Variants in DTWD2 observed in about 807,000 individuals in gnomAD.
DTWD2 encodes tRNA-uridine aminocarboxypropyltransferase 2.
Under a neutral mutation model 31.8 loss-of-function variants are expected in DTWD2, and 39 were observed. The ratio of observed to expected loss-of-function variants is 1.22; its 90% CI spans 0.95 to 1.60. The LOEUF (loss-of-function observed/expected upper bound fraction) is 1.60, where lower values mean the gene tolerates loss of function less well. Ranked by LOEUF, DTWD2 falls within the 40% of genes most tolerant of loss-of-function variation. The probability of loss-of-function intolerance (pLI) is 0.00; values close to 1 mark genes in which losing one functional copy is unlikely to be tolerated. For synonymous variants in DTWD2, 180 were observed against 142.8 expected (o/e 1.26, Z -1.86); for missense variants, 515 against 381.5 (o/e 1.35, Z -2.92).
chr5:118,849,603 A>T (rs745736017), intron 4 of DTWD2, among the ~76,000 whole-genome samples: 1 of 152,250 alleles, frequency 6.6e-6, no homozygotes, highest in Non-Finnish European at 1.5e-5. Context: ...ATTATTCACA[A>T]TAGCAAAGAC....
At chr5:118,938,323 C>A (rs1561462901) in intron 3 of DTWD2, among the ~76,000 whole-genome samples, 1 of 152,102 alleles carries the variant, frequency 6.6e-6, no homozygotes, top group African/African-American at 2.4e-5. Flanking sequence ...ACAATTTCTA[C>A]AACTAACAGA....
chr5:118,929,647 C>T (rs1753880775), intron 3 of DTWD2, among the ~76,000 whole-genome samples: 1 of 152,124 alleles, frequency 6.6e-6, no homozygotes, highest in Non-Finnish European at 1.5e-5. Context: ...CTTATAACAT[C>T]GTATATTATC....
At chr5:118,845,203 G>A (rs1476379466) in intron 5 of DTWD2, among the ~76,000 whole-genome samples, 1 of 151,866 alleles carries the variant, frequency 6.6e-6, no homozygotes, top group Non-Finnish European at 1.5e-5. Flanking sequence ...AAGAAAAGAG[G>A]AAAAAGAAAA....
intron 3 of DTWD2, among the ~76,000 whole-genome samples, chr5:118,932,112 C>A (rs1423218970): frequency 6.6e-6 from 1 of 151,974 alleles, no homozygotes; most frequent in East Asian, 1.9e-4. Flanking sequence ...TTAAAATGCA[C>A]ATTAAGAAAA....
chr5:118,877,851 G>A (rs1410927324), intron 4 of DTWD2, among the ~76,000 whole-genome samples: 1 of 152,074 alleles, frequency 6.6e-6, no homozygotes, highest in Non-Finnish European at 1.5e-5. Flanking sequence ...AAAGTTTCAG[G>A]ATACAAAATA....
At chr5:118,903,553 G>A (rs1330554935) in intron 4 of DTWD2, among the ~76,000 whole-genome samples, 5 of 151,994 alleles carry the variant, frequency 3.3e-5, no homozygotes, top group African/African-American at 9.6e-5. Flanking sequence ...ACTAATACAA[G>A]TATGATCTTG....
rs1452658158 is a variant in DTWD2 at position 118,854,450 on chromosome 5, A to AAT, written c.598-6234_598-6233dup. On this transcript the variant is annotated intron_variant, in intron 4 of 5. Coordinates refer to ENST00000510708, the MANE Select transcript of DTWD2 (RefSeq NM_173666.4). Reference sequence around the variant, plus strand: ...TATTGAAATCGACATCAAGAATATAAATAAATAATGTTTTCCAAACATTAT... The same window carrying AAT: ...TATTGAAATCGACATCAAGAATATAAATATAAATAATGTTTTCCAAACATTAT... Among the ~76,000 whole-genome samples the AAT allele has an allele frequency of 9.2e-5, 14 of 152,258 alleles. No individual in the cohort carries two copies. The East Asian group carries it at 2.7e-3, about 29-fold the overall frequency.
rs746112114 is a variant in DTWD2, at chr5:118,988,317, C to G, written c.195G>C (p.Arg65=). The change falls in exon 1 of 6, where the codon CGG becomes CGC. Residue 65 remains arginine, a synonymous_variant. Coordinates refer to ENST00000510708, the MANE Select transcript of DTWD2 (RefSeq NM_173666.4). ...ACCTGCAGCGGGTGCACTCAGGCCT[C>G]CGCTCGGCCGGCTCCACCGGCAGCT... is the stretch of plus-strand genomic sequence containing the variant. ...LWELPVEPAE[R]RPECTRCSRP... 3 of 1,530,446 alleles carry G rather than the reference C, an allele frequency of 2.0e-6. No individual in the cohort carries two copies. Among genetic ancestry groups the G allele is most frequent in the Admixed American group, 4.1e-5 (2 of 49,020 alleles). The allele number at this position is 1,530,446 out of a possible 1,614,324, so 94.8% of individuals were successfully genotyped here. A position where few individuals can be genotyped will look rare whatever the true frequency, so the allele number is the denominator to read the frequency against.
chr5:118,884,740 C>T (rs1752817602), intron 4 of DTWD2, among the ~76,000 whole-genome samples: 1 of 152,122 alleles, frequency 6.6e-6, no homozygotes, highest in Admixed American at 6.5e-5. Context: ...GGCGTGGTGG[C>T]TCATGCCTGT....
At chr5:118,873,983 C>T (rs1171469315) in intron 4 of DTWD2, among the ~76,000 whole-genome samples, 1 of 152,168 alleles carries the variant, frequency 6.6e-6, no homozygotes, top group East Asian at 1.9e-4. Context: ...GCAGCTTGGA[C>T]CCCCAAGTGC....
At chr5:118,931,228 T>C (rs1191710606) in intron 3 of DTWD2, among the ~76,000 whole-genome samples, 1 of 151,646 alleles carries the variant, frequency 6.6e-6, no homozygotes, top group Non-Finnish European at 1.5e-5. Flanking sequence ...CTCCCATCTC[T>C]CCAAAAATGT....
intron 4 of DTWD2, among the ~76,000 whole-genome samples, chr5:118,904,220 T>A (rs1373530844): frequency 2.0e-5 from 3 of 152,018 alleles, no homozygotes; most frequent in Non-Finnish European, 4.4e-5. Flanking sequence ...AATATACACA[T>A]GTTTTAACCC....
chr5:118,899,425 T>C (rs1753154285), intron 4 of DTWD2, among the ~76,000 whole-genome samples: 1 of 152,196 alleles, frequency 6.6e-6, no homozygotes, highest in Non-Finnish European at 1.5e-5. Flanking sequence ...TAATCCTGTA[T>C]TTTCCCTAGA....
intron 1 of DTWD2, among the ~76,000 whole-genome samples, chr5:118,962,282 T>C (rs1214389633): frequency 2.0e-5 from 3 of 152,060 alleles, no homozygotes; most frequent in Non-Finnish European, 4.4e-5. Context: ...GAAAATACAT[T>C]AAGATTTAGG....
At chr5:118,946,957 G>C (rs1370219365) in intron 1 of DTWD2, among the ~76,000 whole-genome samples, 1 of 152,106 alleles carries the variant, frequency 6.6e-6, no homozygotes, top group Non-Finnish European at 1.5e-5. Context: ...GGCCAAGCTG[G>C]TCTCGAACTC....
chr5:118,936,702 T>C (rs1480898923), intron 3 of DTWD2, among the ~76,000 whole-genome samples: 2 of 151,730 alleles, frequency 1.3e-5, no homozygotes, highest in Non-Finnish European at 2.9e-5. Context: ...ATCTGTTATC[T>C]AATCTTCTAC....
At chr5:118,973,884 G>T (rs533910875) in intron 1 of DTWD2, 142 of 1,610,498 alleles carry the variant, frequency 8.8e-5, no homozygotes, top group Non-Finnish European at 1.0e-4. Context: ...GCAGAAAATG[G>T]AAGAGACGCC....
intron 4 of DTWD2, among the ~76,000 whole-genome samples, chr5:118,881,869 A>G (rs1482670296): frequency 6.6e-6 from 1 of 152,180 alleles, no homozygotes; most frequent in Non-Finnish European, 1.5e-5. Flanking sequence ...AAAATTTGAC[A>G]TAAGATTTGG....
chr5:118,900,818 G>A (rs1173545930), intron 4 of DTWD2, among the ~76,000 whole-genome samples: 3 of 151,840 alleles, frequency 2.0e-5, no homozygotes, highest in Non-Finnish European at 2.9e-5. Flanking sequence ...CCAGCTACTC[G>A]GGAGGCTGAG....
Sources: gnomAD v4.1 joint callset for allele counts (sites outside exome capture counted in the v4.1 genomes callset) on GRCh38, gnomAD v4.1.1 for gene constraint, MANE v1.5 for transcripts, NCBI Gene and HGNC (gene_info 2026-07-23, HGNC 2026-07-21) for gene names.